MDGA2: variants seen among roughly 807,000 people sequenced by gnomAD.
The protein encoded by MDGA2 is MAM domain-containing glycosylphosphatidylinositol anchor protein 2.
In MDGA2, 40 loss-of-function variants were observed where a neutral mutation model predicts 117.8. That is an observed-to-expected ratio of 0.34 (90% CI 0.26 to 0.44). The LOEUF (loss-of-function observed/expected upper bound fraction) is 0.44, where lower values mean the gene tolerates loss of function less well. Ranked by LOEUF, MDGA2 falls within the 20% of genes least tolerant of loss-of-function variation. MDGA2 has a pLI of 1.00. For synonymous variants in MDGA2, 452 were observed against 439.0 expected (o/e 1.03, Z -0.37); for missense variants, 1,123 against 1,250.6 (o/e 0.90, Z 1.54).
chr14:46,910,012 T>C (rs1883637731), intron 10 of MDGA2, among the ~76,000 whole-genome samples: 1 of 152,158 alleles, frequency 6.6e-6, no homozygotes, highest in South Asian at 2.1e-4. Context: ...AAATATTCCA[T>C]TAAACCTGTG....
chr14:47,384,663 C>T (rs1018197961), intron 1 of MDGA2, among the ~76,000 whole-genome samples: 1 of 152,110 alleles, frequency 6.6e-6, no homozygotes, highest in Non-Finnish European at 1.5e-5. Flanking sequence ...ATCACTGCTC[C>T]TGATTGCTTG....
chr14:46,856,083 G>C (rs1393002135), intron 14 of MDGA2, among the ~76,000 whole-genome samples: 1 of 151,898 alleles, frequency 6.6e-6, no homozygotes, highest in Non-Finnish European at 1.5e-5. Flanking sequence ...ATCCTATGAA[G>C]TACTTATTAT....
At chr14:47,279,803 G>T (rs976879474) in intron 2 of MDGA2, among the ~76,000 whole-genome samples, 2 of 151,756 alleles carry the variant, frequency 1.3e-5, no homozygotes, top group Non-Finnish European at 2.9e-5. Flanking sequence ...CAAATGATAT[G>T]TTGCCCCCGC....
At chr14:47,666,146 G>C (rs1480958116) in intron 1 of MDGA2, among the ~76,000 whole-genome samples, 2 of 151,508 alleles carry the variant, frequency 1.3e-5, no homozygotes, top group Non-Finnish European at 2.9e-5. Flanking sequence ...GTCTAGCTCA[G>C]GGTTTCTGGA....
At position 47,630,465 on chromosome 14, in the gene MDGA2, A is replaced by C. The variant is rs1594952824; in HGVS notation, c.280+44052T>G. Among the ~76,000 whole-genome samples, 6 of 152,328 alleles carry C rather than the reference A, an allele frequency of 3.9e-5. No homozygotes were observed. The East Asian group carries it at 1.2e-3, about 29-fold the overall frequency. On this transcript the variant is annotated intron_variant, in intron 1 of 16. Transcript: ENST00000399232. The stretch of plus-strand genomic sequence containing the variant: ...GTAATGCATTTCAGTGACAGATAAC[A>C]CAAGTTGATGATCCAAACACTTTGG...
chr14:46,941,847 A>T (rs1324273284), intron 9 of MDGA2, among the ~76,000 whole-genome samples: 1 of 152,150 alleles, frequency 6.6e-6, no homozygotes, highest in Admixed American at 6.6e-5. Context: ...ATTATTTACA[A>T]ATTAGATCTA....
intron 1 of MDGA2, among the ~76,000 whole-genome samples, chr14:47,319,064 C>G (rs1889898357): frequency 6.6e-6 from 1 of 152,080 alleles, no homozygotes; most frequent in Non-Finnish European, 1.5e-5. Context: ...TATGTGGTAA[C>G]TTTTACATAT....
chr14:47,612,253 T>TAGAC (rs1261767424), intron 1 of MDGA2, among the ~76,000 whole-genome samples: 1 of 151,876 alleles, frequency 6.6e-6, no homozygotes, highest in Non-Finnish European at 1.5e-5. Context: ...GATAGATAGA[T>TAGAC]AGATCTTCTG....
intron 1 of MDGA2, among the ~76,000 whole-genome samples, chr14:47,386,720 C>T (rs1891768481): frequency 6.6e-6 from 1 of 152,152 alleles, no homozygotes; most frequent in South Asian, 2.1e-4. Flanking sequence ...AAGAAGAATC[C>T]ACTTCCACAA....
At chr14:47,285,804 A>G (rs1888651354) in intron 2 of MDGA2, among the ~76,000 whole-genome samples, 1 of 152,132 alleles carries the variant, frequency 6.6e-6, no homozygotes, top group South Asian at 2.1e-4. Flanking sequence ...CTTAGAGGTA[A>G]ATAGCAGAAG....
At chr14:47,167,995 T>C (rs1340758385) in intron 3 of MDGA2, among the ~76,000 whole-genome samples, 2 of 152,328 alleles carry the variant, frequency 1.3e-5, no homozygotes, top group Middle Eastern at 3.4e-3. Context: ...CATAGACACA[T>C]TGTTTATGGA....
At chr14:47,240,157 GC>G (rs1236719105) in intron 2 of MDGA2, among the ~76,000 whole-genome samples, 2 of 151,614 alleles carry the variant, frequency 1.3e-5, no homozygotes, top group African/African-American at 2.4e-5. Context: ...CGATTCTCCT[GC>G]CTCAGCCTCC....
At chr14:47,293,680 G>T (rs1888965803) in intron 2 of MDGA2, among the ~76,000 whole-genome samples, 2 of 152,124 alleles carry the variant, frequency 1.3e-5, no homozygotes, top group Non-Finnish European at 2.9e-5. Context: ...AATATTTTTT[G>T]AGATAGTATC....
rs368024254 is a variant in MDGA2, at chr14:47,144,159, C to T, written c.711G>A (p.Arg237=). 380 of 1,551,244 alleles carry T rather than the reference C, an allele frequency of 2.4e-4. No homozygotes were observed. The highest frequency in any genetic ancestry group is 5.0e-4 in the Middle Eastern group (3 of 5,992). ...RCVANSNPPV[R]YSWRRGQEVL... ...CCTCCTGGCCACGTCTCCAGCTATA[C>T]CGAACAGGAGGATTGGAATTGGCAA... Residue 237 remains arginine, a synonymous_variant, in exon 4 of 17, where the codon CGG becomes CGA. Coordinates refer to ENST00000399232, the MANE Select transcript of MDGA2 (RefSeq NM_001113498.3).
At chr14:46,972,347 G>A (rs915551654) in intron 8 of MDGA2, among the ~76,000 whole-genome samples, 7 of 152,104 alleles carry the variant, frequency 4.6e-5, no homozygotes, top group African/African-American at 1.2e-4. Context: ...TTATTCAGTA[G>A]AGAACTATAT....
intron 1 of MDGA2, among the ~76,000 whole-genome samples, chr14:47,570,033 C>G (rs1386805219): frequency 6.6e-6 from 1 of 151,996 alleles, no homozygotes; most frequent in Non-Finnish European, 1.5e-5. Flanking sequence ...TAAGTGTAAC[C>G]TCACACATTG....
intron 1 of MDGA2, among the ~76,000 whole-genome samples, chr14:47,425,800 T>G (rs1030372079): frequency 5.3e-5 from 8 of 152,178 alleles, no homozygotes; most frequent in African/African-American, 1.9e-4. Context: ...AGTGCCCGTA[T>G]GCCCTCTACC....
chr14:46,960,070 A>G (rs1420583092), intron 8 of MDGA2, among the ~76,000 whole-genome samples: 2 of 151,996 alleles, frequency 1.3e-5, no homozygotes, highest in Non-Finnish European at 2.9e-5. Context: ...AAAAATACAA[A>G]AATTAGCCGG....
At chr14:47,510,028 T>G (rs901533368) in intron 1 of MDGA2, among the ~76,000 whole-genome samples, 3 of 152,184 alleles carry the variant, frequency 2.0e-5, no homozygotes, top group African/African-American at 7.2e-5. Context: ...TGCTATAGTC[T>G]GATATTTGTG....
Sources: allele counts gnomAD v4.1 joint callset (sites outside exome capture counted in the v4.1 genomes callset), GRCh38; gene constraint gnomAD v4.1.1; transcripts MANE v1.5; gene names NCBI Gene and HGNC (gene_info 2026-07-23, HGNC 2026-07-21).